Variants in NXPE4 observed in about 807,000 individuals in gnomAD.
NXPE4 encodes the protein NXPE family member 4.
A neutral mutation model predicts 33.3 loss-of-function variants in NXPE4; 42 were observed. The ratio of observed to expected loss-of-function variants is 1.26; its 90% confidence interval spans 0.98 to 1.63. The LOEUF is 1.63. Ranked by LOEUF, NXPE4 falls within the 40% of genes most tolerant of loss-of-function variation. The pLI, the probability that NXPE4 is intolerant of heterozygous loss-of-function variation, is 0.00. For missense variants in NXPE4, 709 were observed against 647.6 expected, an observed-to-expected ratio of 1.09 and a Z score of -1.03; for synonymous variants, 253 against 234.9, an observed-to-expected ratio of 1.08 and a Z score of -0.71.
the NXPE4 span, among the ~76,000 whole-genome samples, chr11:114,620,200 C>A: frequency 1.3e-5 from 2 of 150,272 alleles, no homozygotes; most frequent in African/African-American, 4.9e-5. Context: ...CCGCTGGATA[C>A]TAACTTTTGC....
Position 114,580,292 on chromosome 11 carries a change from G to A in NXPE4, c.939C>T (p.Ser313=). 1 of 1,614,030 alleles carries A rather than the reference G, an allele frequency of 6.2e-7. No individual in the cohort carries two copies. The highest frequency in any genetic ancestry group is 1.1e-5 in the South Asian group (1 of 91,080). ...TCCAGACATGCCCACTGGGGATTGT[G>A]GATGTCATTCCAAACTTGCATTTCT... ...MKEKCKFGMT[S]TIPSGHVWRN... Residue 313 remains serine, a synonymous_variant, in exon 5 of 6, where the codon TCC becomes TCT. Transcript: ENST00000375478.
chr11:114,580,422 A>G, intron 4 of NXPE4, 84 bp from the exon 5 acceptor site: 2 of 1,130,672 alleles, frequency 1.8e-6, no homozygotes, highest in Non-Finnish European at 2.6e-6. Flanking sequence ...TCCTCTAAGT[A>G]TCCTAAGAGG....
the NXPE4 span, among the ~76,000 whole-genome samples, chr11:114,665,256 C>T: frequency 2.0e-5 from 3 of 152,110 alleles, no homozygotes; most frequent in African/African-American, 7.2e-5. Context: ...AATATTCTCT[C>T]AACCAGCTTT....
At chr11:114,633,709 G>A in the NXPE4 span, among the ~76,000 whole-genome samples, 1 of 150,792 alleles carries the variant, frequency 6.6e-6, no homozygotes, top group Non-Finnish European at 1.5e-5. Context: ...GTGAGAACAT[G>A]TGGCGTTTGG....
chr11:114,581,610 G>T, intron 4 of NXPE4, 115 bp downstream of exon 4: 3 of 811,358 alleles, frequency 3.7e-6, no homozygotes, highest in Non-Finnish European at 6.0e-6. Flanking sequence ...CCTTAGATAA[G>T]CCAGATGAAC....
chr11:114,625,409 A>G, the NXPE4 span, among the ~76,000 whole-genome samples: 4 of 151,658 alleles, frequency 2.6e-5, no homozygotes, highest in Non-Finnish European at 4.4e-5. Context: ...GTATTGCCTC[A>G]TGGGCAACCA....
intron 2 of NXPE4, among the ~76,000 whole-genome samples, chr11:114,585,049 T>A (rs999524879): frequency 1.3e-5 from 2 of 151,896 alleles, no homozygotes; most frequent in Non-Finnish European, 1.5e-5. Context: ...CTAAAAGGGG[T>A]GTCTGGGTCT....
chr11:114,592,200 G>A (rs1050117169), intron 2 of NXPE4, among the ~76,000 whole-genome samples: 8 of 152,018 alleles, frequency 5.3e-5, no homozygotes, highest in African/African-American at 1.9e-4. Flanking sequence ...AATAAATAAA[G>A]GGCATACAAG....
the NXPE4 span, among the ~76,000 whole-genome samples, chr11:114,651,419 G>A: frequency 2.6e-5 from 4 of 152,172 alleles, no homozygotes; most frequent in Non-Finnish European, 4.4e-5. Flanking sequence ...AGCTGCAAAC[G>A]TTTGCGGTGA....
the NXPE4 span, among the ~76,000 whole-genome samples, chr11:114,606,702 G>T: frequency 6.6e-6 from 1 of 150,962 alleles, no homozygotes; most frequent in Non-Finnish European, 1.5e-5. Context: ...TACCCGGAGG[G>T]TAATAAGGAC....
At chr11:114,674,874 C>G in the NXPE4 span, among the ~76,000 whole-genome samples, 18 of 151,650 alleles carry the variant, frequency 1.2e-4, no homozygotes, top group African/African-American at 3.6e-4. Context: ...GACTATCATC[C>G]CTAATGAACA....
the NXPE4 span, among the ~76,000 whole-genome samples, chr11:114,618,457 G>T: frequency 2.6e-5 from 4 of 152,082 alleles, no homozygotes; most frequent in Admixed American, 1.3e-4. Context: ...TTGCCTCATG[G>T]GTAACCACTG....
At chr11:114,647,941 C>G in the NXPE4 span, among the ~76,000 whole-genome samples, 5 of 152,146 alleles carry the variant, frequency 3.3e-5, no homozygotes, top group Non-Finnish European at 7.4e-5. Flanking sequence ...ACCTCGTGAT[C>G]CACCTGCCTT....
At chr11:114,601,884 T>TATATATTATATTTATATGTATTATATAA in the NXPE4 span, among the ~76,000 whole-genome samples, 1 of 15,796 alleles carries the variant, frequency 6.3e-5, no homozygotes, top group African/African-American at 5.9e-4. Flanking sequence ...TTATATATAA[T>TATATATTATATTTATATGTATTATATAA]TATATATTAT....
chr11:114,621,811 G>A, the NXPE4 span, among the ~76,000 whole-genome samples: 8 of 151,646 alleles, frequency 5.3e-5, no homozygotes, highest in South Asian at 4.2e-4. Context: ...TTATTGCCTT[G>A]TGGGTAACCA....
chr11:114,626,894 C>T, the NXPE4 span, among the ~76,000 whole-genome samples: 2,182 of 151,080 alleles, frequency 0.014, 47 homozygotes, highest in African/African-American at 0.047. Flanking sequence ...GGAGCTGATG[C>T]GATCAACTGG....
chr11:114,604,825 A>G, the NXPE4 span, among the ~76,000 whole-genome samples: 12 of 152,016 alleles, frequency 7.9e-5, no homozygotes, highest in African/African-American at 2.9e-4. Flanking sequence ...CCTGGTGGAT[A>G]ATAATTGTTG....
the NXPE4 span, among the ~76,000 whole-genome samples, chr11:114,617,225 A>G: frequency 6.6e-6 from 1 of 151,800 alleles, no homozygotes; most frequent in South Asian, 2.1e-4. Context: ...TTGGATAATA[A>G]ATATTTCCTC....
At chr11:114,601,724 T>TATATATGTTATCTATAACA in the NXPE4 span, among the ~76,000 whole-genome samples, 1 of 71,230 alleles carries the variant, frequency 1.4e-5, no homozygotes, top group Non-Finnish European at 2.4e-5. Context: ...TATATTATAA[T>TATATATGTTATCTATAACA]TATATATTAT....
Sources: allele counts gnomAD v4.1 joint callset (sites outside exome capture counted in the v4.1 genomes callset), GRCh38; gene constraint gnomAD v4.1.1; transcripts MANE v1.5; gene names NCBI Gene and HGNC (gene_info 2026-07-23, HGNC 2026-07-21).